Variants in ASIC2 observed in about 807,000 individuals in gnomAD.
The protein encoded by ASIC2 is acid-sensing ion channel 2.
ASIC2 carries 25 observed loss-of-function variants against 57.3 expected under a neutral mutation model. That is an observed-to-expected ratio of 0.44 (90% CI 0.32 to 0.61). The LOEUF is 0.61. ASIC2 is among the 20% of genes least tolerant of loss of function. The pLI is 0.06. For synonymous variants in ASIC2, 319 were observed against 307.5 expected (o/e 1.04, Z -0.39); for missense variants, 641 against 738.1 (o/e 0.87, Z 1.52).
chr17:33,387,855 A>C (rs1909742791), intron 1 of ASIC2, among the ~76,000 whole-genome samples: 1 of 152,166 alleles, frequency 6.6e-6, no homozygotes, highest in Non-Finnish European at 1.5e-5. Flanking sequence ...GAGCACAGAC[A>C]GAAGAAAAGG....
In ASIC2 at chr17:34,039,692, G is replaced by A. The variant is rs562022146; in HGVS notation, c.555+116286C>T. On this transcript the variant is annotated intron_variant, in intron 1 of 9. Coordinates refer to the ASIC2 transcript ENST00000359872. ...GGTTCAGCTTTTCTTTTCCGATTTC[G>A]CTGGTCATTCTGCTTTTTCTTGGGA... The A allele has an allele frequency of 3.5e-5, 56 of 1,612,006 alleles. No individual in the cohort carries two copies. In the Admixed American group the frequency reaches 7.2e-4, roughly 21 times the overall value.
chr17:33,427,988 A>AG (rs377204868), intron 1 of ASIC2, among the ~76,000 whole-genome samples: 1 of 152,266 alleles, frequency 6.6e-6, no homozygotes, highest in East Asian at 1.9e-4. Flanking sequence ...AACCTTGTGG[A>AG]GGGGTCCATG....
chr17:33,713,349 T>C (rs1301537766), intron 1 of ASIC2, among the ~76,000 whole-genome samples: 1 of 152,214 alleles, frequency 6.6e-6, no homozygotes, highest in African/African-American at 2.4e-5. Context: ...AGGATCACCC[T>C]CTTTCTGAAG....
chr17:33,630,694 AGAT>A (rs1906136792), intron 1 of ASIC2, among the ~76,000 whole-genome samples: 1 of 152,208 alleles, frequency 6.6e-6, no homozygotes, highest in South Asian at 2.1e-4. Flanking sequence ...AATATGGAAA[AGAT>A]AATAGTACTT....
intron 1 of ASIC2, chr17:34,005,112 T>A (rs1015311771): frequency 6.6e-6 from 1 of 152,218 alleles, no homozygotes; most frequent in Non-Finnish European, 1.5e-5. Context: ...AGCCCACTGC[T>A]TGCCCTTGCC....
chr17:33,650,727 C>T (rs995555152), intron 1 of ASIC2, among the ~76,000 whole-genome samples: 4 of 152,086 alleles, frequency 2.6e-5, no homozygotes, highest in African/African-American at 7.2e-5. Context: ...GAAACAGTCT[C>T]AAAAGGTTAC....
intron 3 of ASIC2, among the ~76,000 whole-genome samples, chr17:33,040,742 T>C (rs943588522): frequency 1.3e-4 from 20 of 152,224 alleles, no homozygotes; most frequent in African/African-American, 4.8e-4. Flanking sequence ...CTTTGCAGTC[T>C]GTTTTTCAGA....
chr17:33,293,809 G>A (rs1344214065), upstream of ASIC2, among the ~76,000 whole-genome samples: 1 of 152,114 alleles, frequency 6.6e-6, no homozygotes, highest in East Asian at 1.9e-4. Context: ...TGACGTGTAT[G>A]TTCCGTGTGT....
chr17:33,408,044 TAGA>T (rs890071788), intron 1 of ASIC2, among the ~76,000 whole-genome samples: 14 of 152,114 alleles, frequency 9.2e-5, no homozygotes, highest in African/African-American at 3.4e-4. Flanking sequence ...CCCTGCCCTT[TAGA>T]AGAAGTGTGC....
intron 1 of ASIC2, among the ~76,000 whole-genome samples, chr17:33,810,272 C>T (rs1477537877): frequency 6.6e-6 from 1 of 152,116 alleles, no homozygotes; most frequent in Non-Finnish European, 1.5e-5. Context: ...TAGGAAGAGG[C>T]TGTTGTGGGA....
At chr17:33,516,084 G>A (rs753793055) in intron 1 of ASIC2, among the ~76,000 whole-genome samples, 2 of 151,658 alleles carry the variant, frequency 1.3e-5, no homozygotes, top group East Asian at 1.9e-4. Context: ...CAGCCTGGGC[G>A]ACAGAGCAAG....
chr17:34,146,538 C>T (rs774555682), intron 1 of ASIC2, among the ~76,000 whole-genome samples: 4 of 152,152 alleles, frequency 2.6e-5, no homozygotes, highest in South Asian at 2.1e-4. Flanking sequence ...CCTGATCCCA[C>T]GGGAAACACT....
intron 1 of ASIC2, among the ~76,000 whole-genome samples, chr17:33,259,821 G>A (rs1366084641): frequency 2.0e-5 from 3 of 152,166 alleles, no homozygotes; most frequent in African/African-American, 7.2e-5. Flanking sequence ...GCTCACAGAT[G>A]CTGGGCTCTA....
At chr17:33,131,863 C>T (rs1334174091) in intron 1 of ASIC2, 3 of 152,088 alleles carry the variant, frequency 2.0e-5, no homozygotes, top group Non-Finnish European at 4.4e-5. Context: ...GTGGTAACCA[C>T]CAAATGGGAC....
intron 1 of ASIC2, among the ~76,000 whole-genome samples, chr17:33,635,292 C>CT (rs1382938669): frequency 1.3e-5 from 2 of 152,206 alleles, no homozygotes; most frequent in African/African-American, 4.8e-5. Context: ...AGATACTATG[C>CT]TAATTGCTGT....
At chr17:34,109,521 G>C (rs1280154366) in intron 1 of ASIC2, among the ~76,000 whole-genome samples, 1 of 151,922 alleles carries the variant, frequency 6.6e-6, no homozygotes, top group Non-Finnish European at 1.5e-5. Flanking sequence ...ACTGATATGG[G>C]TAAAAAAAAA....
chr17:33,844,594 T>C (rs75736866), intron 1 of ASIC2, among the ~76,000 whole-genome samples: 3,495 of 152,278 alleles, frequency 0.023, 143 homozygotes, highest in African/African-American at 0.079. Context: ...AAAACAGAGA[T>C]GATAGTCATC....
At chr17:33,968,469 C>T (rs1597954157) in intron 1 of ASIC2, among the ~76,000 whole-genome samples, 1 of 152,194 alleles carries the variant, frequency 6.6e-6, no homozygotes, top group South Asian at 2.1e-4. Context: ...CTGCTTTTCC[C>T]GCACTGCAAG....
intron 1 of ASIC2, among the ~76,000 whole-genome samples, chr17:33,399,669 C>T (rs557706757): frequency 6.6e-6 from 1 of 152,328 alleles, no homozygotes; most frequent in Non-Finnish European, 1.5e-5. Context: ...GATGCCCCTT[C>T]CCCTTAATCT....
Sources: allele counts gnomAD v4.1 joint callset (sites outside exome capture counted in the v4.1 genomes callset), GRCh38; gene constraint gnomAD v4.1.1; transcripts MANE v1.5; gene names NCBI Gene and HGNC (gene_info 2026-07-23, HGNC 2026-07-21).